GEMIN5: variants seen among roughly 807,000 people sequenced by gnomAD.
GEMIN5 encodes the protein gem-associated protein 5.
GEMIN5 carries 124 observed loss-of-function variants against 176.9 expected under a neutral mutation model. That is an observed-to-expected ratio of 0.70 (90% confidence interval 0.61 to 0.81). The LOEUF (loss-of-function observed/expected upper bound fraction) is 0.81. Among genes scored for constraint, GEMIN5 ranks in the 40% least tolerant of loss-of-function variants. The pLI, the probability that GEMIN5 is intolerant of heterozygous loss-of-function variation, is 0.00. For missense variants in GEMIN5, 1,843 were observed against 1,814.6 expected (o/e 1.02, Z -0.28); for synonymous variants, 673 against 665.2 (o/e 1.01, Z -0.18).
At position 154,911,760 on chromosome 5, in the gene GEMIN5, T is replaced by G; in HGVS notation, c.2134A>C (p.Thr712Pro). Residue 712 changes from threonine to proline, a missense_variant, in exon 15 of 28, where the codon ACT becomes CCT. Thr to Pro is a conservative substitution (Grantham distance 38, BLOSUM62 -1). Transcript: ENST00000285873. Reference sequence around the variant, plus strand: ...GGCCGGGAATGATCTTGCATGGAAGTGAGCCACTTGTGCACACAAAAGTCA... The same window carrying G: ...GGCCGGGAATGATCTTGCATGGAAGGGAGCCACTTGTGCACACAAAAGTCA... ...ADDFCVHKWLTSMQDHSRPPQ... is the reference protein window; with the variant it reads ...ADDFCVHKWLPSMQDHSRPPQ... 6.2e-7 allele frequency: 1 copy of G among 1,614,090 alleles called. No individual in the cohort carries two copies. The highest frequency in any genetic ancestry group is 8.5e-7 in the Non-Finnish European group (1 of 1,179,936).
Position 154,901,377 on chromosome 5 carries a change from A to G in GEMIN5, c.2976T>C (p.Tyr992=), listed in dbSNP as rs565205023. Residue 992 remains tyrosine, a synonymous_variant, in exon 21 of 28, where the codon TAT becomes TAC. Transcript: ENST00000285873. Reference sequence around the variant, plus strand: ...TTGACTTGAGCAGCTCCACCGCTTCATACACTTTGTGGATGGAAAGTAGGT... The same window carrying G: ...TTGACTTGAGCAGCTCCACCGCTTCGTACACTTTGTGGATGGAAAGTAGGT... ...ASHLLSIHKV[Y]EAVELLKSNH... The G allele has an allele frequency of 1.2e-6, 2 of 1,614,156 alleles. No homozygotes were observed. The highest frequency in any genetic ancestry group is 2.2e-5 in the East Asian group (1 of 44,884).
chr5:154,924,937 C>T (rs1220565730), intron 8 of GEMIN5, among the ~76,000 whole-genome samples: 3 of 151,832 alleles, frequency 2.0e-5, no homozygotes, highest in Non-Finnish European at 4.4e-5. Context: ...TGCAGTGAGC[C>T]GAGATTGTGC....
At chr5:154,911,585 T>A (rs1763700471) in intron 15 of GEMIN5, 142 bp downstream of exon 15, 1 of 629,778 alleles carries the variant, frequency 1.6e-6, no homozygotes, top group Admixed American at 2.9e-5. Flanking sequence ...CAAGCCCTTG[T>A]GGCTGCTTTC....
At chr5:154,913,227 G>A (rs930815254) in intron 13 of GEMIN5, among the ~76,000 whole-genome samples, 189 bp from the exon 14 acceptor site, 7 of 152,052 alleles carry the variant, frequency 4.6e-5, no homozygotes, top group Non-Finnish European at 8.8e-5. Context: ...ATGCAATGGC[G>A]CAATCTCGGC....
chr5:154,895,351 A>G (rs1280666690), intron 24 of GEMIN5, among the ~76,000 whole-genome samples: 2 of 151,982 alleles, frequency 1.3e-5, no homozygotes, highest in Non-Finnish European at 2.9e-5. Flanking sequence ...AAAAAAAAAA[A>G]AAGAAGTAGG....
intron 23 of GEMIN5, among the ~76,000 whole-genome samples, chr5:154,897,903 T>C (rs190763651): frequency 2.5e-5 from 3 of 121,344 alleles, no homozygotes; most frequent in African/African-American, 9.3e-5. Flanking sequence ...GACTAAGGTG[T>C]TTTTTTTTGT....
rs772337617 is a variant in GEMIN5, at chr5:154,926,151, G to C, written c.1081-77C>G. On this transcript the variant is annotated intron_variant, in intron 7 of 27. Transcript: ENST00000285873. ...GAAAAAAAACCTGATATGTCAAATG[G>C]GATAGGCTCAAAGACTGGGTAAGGA... 151 of 886,842 alleles carry C rather than the reference G, an allele frequency of 1.7e-4. 1 individual carries two copies. The highest frequency in any genetic ancestry group is 2.5e-4 in the Non-Finnish European group (139 of 545,414). 54.9% of individuals were successfully genotyped at this position (886,842 alleles called of 1,614,324 possible).
Position 154,911,720 on chromosome 5 carries a change from G to C in GEMIN5, c.2167+7C>G. 1 of 1,608,972 alleles carries C rather than the reference G, an allele frequency of 6.2e-7. No homozygotes were observed. Among genetic ancestry groups the C allele is most frequent in the Non-Finnish European group, 8.5e-7 (1 of 1,175,756 alleles). ...AAGAATTAGATAAGCTCTAGGTTCT[G>C]ACTGACCTTGAGGAGGCCGGGAATG... is the stretch of plus-strand genomic sequence containing the variant. On this transcript the variant is annotated splice_region_variant and intron_variant, in intron 15 of 27. Coordinates refer to ENST00000285873, the MANE Select transcript of GEMIN5 (RefSeq NM_015465.5).
intron 9 of GEMIN5, among the ~76,000 whole-genome samples, chr5:154,921,745 T>C (rs1328134894): frequency 1.3e-5 from 2 of 152,224 alleles, no homozygotes; most frequent in Non-Finnish European, 2.9e-5. Context: ...CCCAAATGTA[T>C]TCACTTTACG....
At chr5:154,904,930 C>T (rs952630032) in intron 17 of GEMIN5, among the ~76,000 whole-genome samples, 2 of 152,230 alleles carry the variant, frequency 1.3e-5, no homozygotes, top group Admixed American at 1.3e-4. Flanking sequence ...CAATGGCTCA[C>T]GCCTGTAATC....
intron 15 of GEMIN5, among the ~76,000 whole-genome samples, chr5:154,908,228 G>A (rs1042397426): frequency 2.8e-5 from 4 of 142,676 alleles, no homozygotes; most frequent in East Asian, 2.1e-4. Flanking sequence ...TTGCCCCGGC[G>A]GGAGTGCAAT....
chr5:154,928,731 A>G, intron 5 of GEMIN5, 72 bp from the exon 6 acceptor site: 3 of 1,365,358 alleles, frequency 2.2e-6, no homozygotes, highest in Middle Eastern at 1.9e-4. Context: ...CCGGTGGTTC[A>G]TAACACACAG....
intron 12 of GEMIN5, among the ~76,000 whole-genome samples, chr5:154,917,458 G>T (rs1465371468): frequency 5.3e-5 from 8 of 152,162 alleles, no homozygotes; most frequent in Admixed American, 5.2e-4. Context: ...CTACCTCAGT[G>T]TAACAATCTC....
intron 9 of GEMIN5, among the ~76,000 whole-genome samples, chr5:154,921,904 T>C (rs537403488): frequency 2.6e-5 from 4 of 152,260 alleles, no homozygotes; most frequent in African/African-American, 7.2e-5. Context: ...TTTTTGAAGG[T>C]TGTTGTGGTA....
rs367648896 is a variant in GEMIN5, at chr5:154,925,882, C to T, written c.1273G>A (p.Val425Met). 30 of 1,609,986 alleles carry T rather than the reference C, an allele frequency of 1.9e-5. No homozygotes were observed. Among genetic ancestry groups the T allele is most frequent in the Admixed American group, 1.2e-4 (7 of 59,978 alleles). ...NYDVKNFWQGVKSKVTALCWH... is the reference protein window; with the variant it reads ...NYDVKNFWQGMKSKVTALCWH... Reference sequence around the variant, plus strand: ...CTTACCGCTGTAACCTTGGACTTCACGCCTTGCCAAAAATTTTTCACATCA... The same window carrying T: ...CTTACCGCTGTAACCTTGGACTTCATGCCTTGCCAAAAATTTTTCACATCA... The change falls in exon 8 of 28, where the codon GTG (valine) becomes ATG (methionine). Residue 425 changes from valine (V) to methionine (M), a missense_variant. Coordinates refer to ENST00000285873, the MANE Select transcript of GEMIN5 (RefSeq NM_015465.5).
intron 17 of GEMIN5, 42 bp downstream of exon 17, chr5:154,905,321 C>T (rs754350066): frequency 2.1e-6 from 2 of 942,804 alleles, no homozygotes; most frequent in Non-Finnish European, 3.3e-6. Context: ...ATATTTTAGG[C>T]TGCTTTAACA....
intron 24 of GEMIN5, among the ~76,000 whole-genome samples, chr5:154,893,393 T>G (rs1426274713): frequency 1.3e-5 from 2 of 150,272 alleles, no homozygotes; most frequent in Non-Finnish European, 2.9e-5. Flanking sequence ...CACCCGAGCC[T>G]GGGTGACAGA....
rs1276781110 is a variant in GEMIN5, at chr5:154,922,701, T to TG, written c.1380-1277_1380-1276insC. On this transcript the variant is annotated intron_variant, in intron 9 of 27. Transcript: ENST00000285873. ...TTTAAATAAATCTTTAAAACAGTTT[T>TG]TTTTTTTTTTTTTGAGATGGAGTCT... 2.7e-3 allele frequency among the ~76,000 whole-genome samples: 414 copies of TG among 151,148 alleles called. 2 individuals are homozygous for TG. The highest frequency in any genetic ancestry group is 9.4e-3 in the African/African-American group (386 of 41,214).
chr5:154,925,253 A>T lies in GEMIN5; in HGVS notation c.1293+609T>A, dbSNP rs531670704. 2.0e-5 allele frequency among the ~76,000 whole-genome samples: 3 copies of T among 152,332 alleles called. No individual in the cohort carries two copies. The East Asian group carries it at 5.8e-4, about 29-fold the overall frequency. On this transcript the variant is annotated intron_variant, in intron 8 of 27. Coordinates refer to ENST00000285873, the MANE Select transcript of GEMIN5 (RefSeq NM_015465.5). ...TAGTTTACAAAATTTGAAAAGATAG[A>T]TCATAAACTGTCCACAGTGGTTCTC...
Sources: allele counts gnomAD v4.1 joint callset (sites outside exome capture counted in the v4.1 genomes callset), GRCh38; gene constraint gnomAD v4.1.1; transcripts MANE v1.5; gene names NCBI Gene and HGNC (gene_info 2026-07-23, HGNC 2026-07-21).